The following GNA14 variants were observed in gnomAD, a reference collection of about 807,000 sequenced individuals.
GNA14 encodes the protein guanine nucleotide-binding protein subunit alpha-14.
Under a neutral mutation model 42.0 loss-of-function variants are expected in GNA14, and 50 were observed. That is an observed-to-expected ratio of 1.19 (90% CI 0.95 to 1.51). The LOEUF is 1.51. GNA14 is among the 40% of genes most tolerant of loss of function. GNA14 has a pLI of 0.00. For synonymous variants in GNA14, 173 were observed against 163.1 expected (o/e 1.06, Z -0.46); for missense variants, 473 against 446.2 (o/e 1.06, Z -0.54).
intron 2 of GNA14, among the ~76,000 whole-genome samples, chr9:77,441,825 CTA>C (rs1407395578): frequency 6.6e-6 from 1 of 152,180 alleles, no homozygotes; most frequent in Non-Finnish European, 1.5e-5. Flanking sequence ...CAGAATTACA[CTA>C]TGTGTTCTAT....
At chr9:77,500,491 C>T (rs145369048) in intron 2 of GNA14, among the ~76,000 whole-genome samples, 156 of 152,318 alleles carry the variant, frequency 1.0e-3, no homozygotes, top group African/African-American at 3.5e-3. Context: ...TACCAAGCTA[C>T]ATTACAACAT....
intron 1 of GNA14, among the ~76,000 whole-genome samples, chr9:77,541,582 T>C (rs1292740445): frequency 6.6e-6 from 1 of 152,200 alleles, no homozygotes; most frequent in Non-Finnish European, 1.5e-5. Context: ...TCTAAGTCTT[T>C]TCTAAACATG....
rs557308390 is a variant in GNA14, at chr9:77,538,669, T to C, written c.125-9416A>G. ...CTCACTGATTAAATTTATTCCTAGG[T>C]ATTTTATTTCTTTATAGCTATTGTA... On this transcript the variant is annotated intron_variant, in intron 1 of 6. Transcript: ENST00000341700. 2.0e-4 allele frequency among the ~76,000 whole-genome samples: 31 copies of C among 152,276 alleles called. No homozygotes were observed. In the East Asian group the frequency reaches 6.0e-3, roughly 29 times the overall value.
At chr9:77,583,258 A>G (rs1823254088) in intron 1 of GNA14, among the ~76,000 whole-genome samples, 1 of 152,230 alleles carries the variant, frequency 6.6e-6, no homozygotes. Flanking sequence ...GGCTGGGAAC[A>G]GAGAAGAAAA....
At chr9:77,449,645 A>G (rs1252924221) in intron 2 of GNA14, among the ~76,000 whole-genome samples, 3 of 152,144 alleles carry the variant, frequency 2.0e-5, no homozygotes, top group Admixed American at 6.5e-5. Context: ...GGCCTCCCCA[A>G]TCTTTGAAAA....
chr9:77,437,321 G>T (rs1835655172), intron 2 of GNA14, among the ~76,000 whole-genome samples: 1 of 152,184 alleles, frequency 6.6e-6, no homozygotes, highest in Non-Finnish European at 1.5e-5. Context: ...GAGGGAGGCG[G>T]ATCAACTGAG....
chr9:77,565,078 A>C (rs1040592002), intron 1 of GNA14, among the ~76,000 whole-genome samples: 6 of 152,198 alleles, frequency 3.9e-5, no homozygotes, highest in African/African-American at 1.4e-4. Flanking sequence ...TATGCCTCTG[A>C]GTGCTTTCCA....
At chr9:77,561,717 C>T (rs1391894615) in intron 1 of GNA14, among the ~76,000 whole-genome samples, 1 of 152,160 alleles carries the variant, frequency 6.6e-6, no homozygotes, top group Non-Finnish European at 1.5e-5. Flanking sequence ...GATGGTTTCA[C>T]AACACTGTAA....
At chr9:77,573,768 T>A (rs899837746) in intron 1 of GNA14, among the ~76,000 whole-genome samples, 2 of 152,180 alleles carry the variant, frequency 1.3e-5, no homozygotes, top group Non-Finnish European at 2.9e-5. Flanking sequence ...CACTACCCTT[T>A]GTTTTTATAA....
chr9:77,586,325 T>C (rs918064528), intron 1 of GNA14, among the ~76,000 whole-genome samples: 1 of 152,114 alleles, frequency 6.6e-6, no homozygotes, highest in South Asian at 2.1e-4. Context: ...ACCAGCCCAA[T>C]TTTTTAAAAA....
chr9:77,518,472 G>A (rs932469986), intron 2 of GNA14, among the ~76,000 whole-genome samples: 4 of 151,992 alleles, frequency 2.6e-5, no homozygotes, highest in African/African-American at 9.7e-5. Context: ...GGGTGGGATC[G>A]GGAGTTCAGA....
intron 1 of GNA14, among the ~76,000 whole-genome samples, chr9:77,608,692 C>G (rs2225741): frequency 6.7e-6 from 1 of 149,680 alleles, no homozygotes; most frequent in Non-Finnish European, 1.5e-5. Flanking sequence ...CCAAATGGCC[C>G]CATCATCCTA....
intron 1 of GNA14, among the ~76,000 whole-genome samples, chr9:77,581,271 A>G (rs561275739): frequency 6.6e-6 from 1 of 152,152 alleles, no homozygotes; most frequent in Non-Finnish European, 1.5e-5. Flanking sequence ...GCCATCTTGT[A>G]AGAATTATGT....
intron 1 of GNA14, among the ~76,000 whole-genome samples, chr9:77,607,788 T>A (rs1823662573): frequency 6.6e-6 from 1 of 152,172 alleles, no homozygotes; most frequent in South Asian, 2.1e-4. Flanking sequence ...GCACTGGCCT[T>A]CTTACTGTGT....
intron 1 of GNA14, among the ~76,000 whole-genome samples, chr9:77,578,780 TA>T (rs1823169537): frequency 6.6e-6 from 1 of 152,206 alleles, no homozygotes; most frequent in South Asian, 2.1e-4. Context: ...TATGAAGAGG[TA>T]GGCTTCAAAT....
At chr9:77,489,951 G>A (rs1348472515) in intron 2 of GNA14, among the ~76,000 whole-genome samples, 3 of 152,018 alleles carry the variant, frequency 2.0e-5, no homozygotes, top group Admixed American at 6.5e-5. Context: ...ATCTGGCCCC[G>A]CCCACATCCT....
chr9:77,507,735 C>G (rs2131747531), intron 2 of GNA14, among the ~76,000 whole-genome samples: 1 of 152,134 alleles, frequency 6.6e-6, no homozygotes, highest in South Asian at 2.1e-4. Context: ...TAGTCTTGCT[C>G]TGTCACCCAA....
At chr9:77,540,265 G>T (rs1381116671) in intron 1 of GNA14, among the ~76,000 whole-genome samples, 2 of 151,942 alleles carry the variant, frequency 1.3e-5, no homozygotes, top group East Asian at 3.9e-4. Flanking sequence ...TAATTTCCAT[G>T]TATTTTTTAT....
At position 77,647,836 on chromosome 9, in the gene GNA14, G is replaced by C; in HGVS notation, c.-43C>G. On this transcript the variant is annotated 5_prime_UTR_variant, in exon 1 of 7. Transcript: ENST00000341700. ...ACCCGACGGGGCGACGCGGCCCCGG[G>C]CACCCGAATCCTCGGCCCGGCCGCT... 5 of 1,585,566 alleles carry C rather than the reference G, an allele frequency of 3.2e-6. No homozygotes were observed. The highest frequency in any genetic ancestry group is 4.3e-6 in the Non-Finnish European group (5 of 1,170,438).
Sources: gnomAD v4.1 joint callset for allele counts (sites outside exome capture counted in the v4.1 genomes callset) on GRCh38, gnomAD v4.1.1 for gene constraint, MANE v1.5 for transcripts, NCBI Gene and HGNC (gene_info 2026-07-23, HGNC 2026-07-21) for gene names.